Variants in MBD5 observed in about 807,000 individuals in gnomAD.
MBD5 encodes methyl-CpG-binding domain protein 5.
In MBD5, 13 loss-of-function variants were observed where a neutral mutation model predicts 117.3. The ratio of observed to expected loss-of-function variants is 0.11; its 90% CI spans 0.07 to 0.18. The LOEUF (loss-of-function observed/expected upper bound fraction) is 0.18. Among genes scored for constraint, MBD5 ranks in the 10% least tolerant of loss-of-function variants. The pLI is 1.00. For synonymous variants in MBD5, 727 were observed against 766.4 expected, an observed-to-expected ratio of 0.95 and a Z score of 0.85; for missense variants, 1,879 against 2,093.8, an observed-to-expected ratio of 0.90 and a Z score of 2.00.
intron 2 of MBD5, among the ~76,000 whole-genome samples, chr2:148,214,872 G>C (rs1409345783): frequency 2.6e-5 from 4 of 152,086 alleles, no homozygotes; most frequent in African/African-American, 9.7e-5. Flanking sequence ...TTTCTCACCT[G>C]CCCATCCTGA....
intron 1 of MBD5, among the ~76,000 whole-genome samples, chr2:148,104,751 C>A (rs548358905): frequency 6.6e-6 from 1 of 152,134 alleles, no homozygotes; most frequent in South Asian, 2.1e-4. Flanking sequence ...GAGTTATGGG[C>A]TTTCTGATTT....
intron 4 of MBD5, among the ~76,000 whole-genome samples, chr2:148,343,768 C>T (rs761304006): frequency 9.2e-5 from 14 of 151,886 alleles, no homozygotes; most frequent in Non-Finnish European, 1.8e-4. Flanking sequence ...TGTCTGTTTA[C>T]TTTGTTGATA....
intron 4 of MBD5, among the ~76,000 whole-genome samples, chr2:148,365,845 C>CAA (rs150043948): frequency 4.5e-4 from 66 of 146,458 alleles, no homozygotes; most frequent in African/African-American, 1.6e-3. Context: ...AACACTCTAC[C>CAA]AAAAAAAAAA....
At chr2:148,134,645 A>G (rs1697132723) in intron 1 of MBD5, among the ~76,000 whole-genome samples, 1 of 152,054 alleles carries the variant, frequency 6.6e-6, no homozygotes, top group African/African-American at 2.4e-5. Flanking sequence ...ATGCTTTTAC[A>G]TTTCTCCACC....
chr2:148,257,662 TG>T (rs1700621668), intron 3 of MBD5, among the ~76,000 whole-genome samples: 2 of 152,222 alleles, frequency 1.3e-5, no homozygotes, highest in South Asian at 2.1e-4. Flanking sequence ...ATGGAATAGG[TG>T]GACCCATTCT....
intron 4 of MBD5, among the ~76,000 whole-genome samples, chr2:148,408,995 G>A (rs1006488908): frequency 1.3e-5 from 2 of 152,124 alleles, no homozygotes; most frequent in Non-Finnish European, 2.9e-5. Flanking sequence ...AGGGACTTGA[G>A]CAGCCATGGA....
At chr2:148,192,963 C>T in intron 2 of MBD5, among the ~76,000 whole-genome samples, 1 of 81,750 alleles carries the variant, frequency 1.2e-5, no homozygotes, top group Non-Finnish European at 2.5e-5. Flanking sequence ...TATACACCAA[C>T]AACAGACAAA....
At chr2:148,252,906 T>C (rs1362208109) in intron 3 of MBD5, among the ~76,000 whole-genome samples, 2 of 152,198 alleles carry the variant, frequency 1.3e-5, no homozygotes, top group African/African-American at 2.4e-5. Flanking sequence ...ATTGGAAGAA[T>C]CTCATTTACC....
chr2:148,175,581 G>A (rs1232032500), intron 1 of MBD5, among the ~76,000 whole-genome samples: 1 of 152,164 alleles, frequency 6.6e-6, no homozygotes, highest in Non-Finnish European at 1.5e-5. Flanking sequence ...TGGAAAACCT[G>A]ACCAAAGATA....
intron 1 of MBD5, among the ~76,000 whole-genome samples, chr2:148,050,482 A>G (rs974476725): frequency 2.0e-5 from 3 of 152,142 alleles, no homozygotes; most frequent in African/African-American, 7.2e-5. Flanking sequence ...CTTATCATAT[A>G]TGATTGCAAT....
chr2:148,185,243 A>C (rs1308165676), intron 2 of MBD5, among the ~76,000 whole-genome samples: 4 of 152,218 alleles, frequency 2.6e-5, no homozygotes, highest in African/African-American at 9.6e-5. Flanking sequence ...CACACTTACC[A>C]GTTCAAAATT....
In MBD5 at chr2:148,470,207, G is replaced by C. The variant is rs1417125759; in HGVS notation, c.2264G>C (p.Arg755Thr). The change falls in exon 8 of 14, where the codon AGA becomes ACA. Residue 755 changes from arginine to threonine, a missense_variant. Around this residue, in one of 4 missense-constraint regions of MBD5, gnomAD observed 1,666 missense variants for 1,792.2 expected, o/e 0.93. Coordinates refer to ENST00000642680, the MANE Select transcript of MBD5 (RefSeq NM_001378120.1). ...NSSVLQNIPL[R>T]GEAVHCHNAN... ...AGTGTTCTTCAGAACATACCTTTAA[G>C]AGGGGAAGCCGTGCACTGCCACAAT... The C allele has an allele frequency of 6.2e-7, 1 of 1,613,926 alleles. No individual in the cohort carries two copies. The highest frequency in any genetic ancestry group is 1.1e-5 in the South Asian group (1 of 91,080).
intron 3 of MBD5, among the ~76,000 whole-genome samples, chr2:148,241,742 C>T (rs150047532): frequency 1.2e-4 from 18 of 152,192 alleles, no homozygotes; most frequent in African/African-American, 2.9e-4. Context: ...GCCATATAAA[C>T]GTAGAATTAT....
intron 12 of MBD5, 128 bp downstream of exon 12, chr2:148,502,637 C>A: frequency 2.4e-6 from 2 of 844,686 alleles, no homozygotes; most frequent in Non-Finnish European, 4.0e-6. Context: ...TTTGTTACCA[C>A]CAAAGAGGAC....
intron 1 of MBD5, among the ~76,000 whole-genome samples, chr2:148,024,724 A>G (rs1411726717): frequency 6.6e-6 from 1 of 152,200 alleles, no homozygotes; most frequent in Non-Finnish European, 1.5e-5. Context: ...CATAGTAACA[A>G]GACATATTCC....
At chr2:148,399,383 G>A (rs1324672811) in intron 4 of MBD5, among the ~76,000 whole-genome samples, 1 of 151,688 alleles carries the variant, frequency 6.6e-6, no homozygotes, top group Non-Finnish European at 1.5e-5. Context: ...CTTGTAAGTT[G>A]GATTCCTAGG....
At chr2:148,510,502 A>G (rs1682184657) in intron 13 of MBD5, among the ~76,000 whole-genome samples, 2 of 152,200 alleles carry the variant, frequency 1.3e-5, no homozygotes, top group South Asian at 2.1e-4. Context: ...CCATTGAACC[A>G]AAAAGACAGT....
chr2:148,247,832 G>T (rs1017309719), intron 3 of MBD5, among the ~76,000 whole-genome samples: 5 of 152,126 alleles, frequency 3.3e-5, no homozygotes, highest in African/African-American at 1.2e-4. Context: ...ATAAAGCTGA[G>T]GGGAAAAAAA....
intron 3 of MBD5, among the ~76,000 whole-genome samples, chr2:148,277,487 T>C (rs1055162736): frequency 1.3e-5 from 2 of 152,180 alleles, no homozygotes; most frequent in African/African-American, 4.8e-5. Flanking sequence ...AAGTTGTTTT[T>C]AATATTCTGT....
Sources: allele counts gnomAD v4.1 joint callset (sites outside exome capture counted in the v4.1 genomes callset), GRCh38; gene constraint gnomAD v4.1.1; regional missense constraint gnomAD v4.1.1; transcripts MANE v1.5; gene names NCBI Gene and HGNC (gene_info 2026-07-23, HGNC 2026-07-21).